The following NCAPG2 variants were observed in gnomAD, a reference collection of about 807,000 sequenced individuals.
The protein encoded by NCAPG2 is condensin-2 complex subunit G2.
NCAPG2 carries 53 observed loss-of-function variants against 141.1 expected under a neutral mutation model. The observed-to-expected ratio is 0.38, with a 90% confidence interval of 0.30 to 0.47. The LOEUF is 0.47. Ranked by LOEUF, NCAPG2 falls within the 20% of genes least tolerant of loss-of-function variation. The pLI is 0.99. For missense variants in NCAPG2, 1,087 were observed against 1,389.0 expected (o/e 0.78, Z 3.46); for synonymous variants, 499 against 490.7 (o/e 1.02, Z -0.22).
chr7:158,691,114 A>G (rs530677208), intron 4 of NCAPG2, among the ~76,000 whole-genome samples: 3 of 152,334 alleles, frequency 2.0e-5, no homozygotes, highest in East Asian at 3.9e-4. Context: ...ATCCACTACT[A>G]TCCCTCAATG....
intron 12 of NCAPG2, 72 bp downstream of exon 12, chr7:158,675,405 C>T: frequency 7.4e-7 from 1 of 1,347,404 alleles, no homozygotes; most frequent in East Asian, 2.6e-5. Context: ...TTATTTTAAT[C>T]TTTTTCTTTT....
Position 158,658,319 on chromosome 7 carries a change from C to CA in NCAPG2, c.2060+18dup, listed in dbSNP as rs1587137951. 4 of 1,596,542 alleles carry CA rather than the reference C, an allele frequency of 2.5e-6. No individual in the cohort carries two copies. Among genetic ancestry groups the CA allele is most frequent in the Non-Finnish European group, 2.6e-6 (3 of 1,170,870 alleles). On this transcript the variant is annotated intron_variant, in intron 17 of 27. Coordinates refer to ENST00000356309, the MANE Select transcript of NCAPG2 (RefSeq NM_017760.7). ...CAGGATTCCTACTTTTCTACCGTAC[C>CA]AAAAAACAGAGCAAATACCTGAATG...
intron 27 of NCAPG2, among the ~76,000 whole-genome samples, chr7:158,636,955 CT>C (rs913863331): frequency 1.0e-4 from 15 of 148,292 alleles, no homozygotes; most frequent in Non-Finnish European, 1.5e-4. Flanking sequence ...TCTTCTTCTT[CT>C]TTTTTTTTTG....
intron 3 of NCAPG2, 45 bp from the exon 4 acceptor site, chr7:158,693,001 T>C: frequency 2.3e-6 from 3 of 1,279,926 alleles, no homozygotes; most frequent in Non-Finnish European, 3.3e-6. Flanking sequence ...AATCATCAAC[T>C]TAAAATCAGT....
chr7:158,699,201 C>T (rs1323573982), intron 2 of NCAPG2, among the ~76,000 whole-genome samples: 1 of 152,166 alleles, frequency 6.6e-6, no homozygotes, highest in Non-Finnish European at 1.5e-5. Context: ...ACTCTCAGTG[C>T]AGTGTCTGGC....
At chr7:158,683,192 C>A in intron 9 of NCAPG2, 108 bp downstream of exon 9, 2 of 905,780 alleles carry the variant, frequency 2.2e-6, no homozygotes, top group Non-Finnish European at 3.3e-6. Flanking sequence ...TGAGAAATCC[C>A]CCTAACTGAT....
intron 22 of NCAPG2, 41 bp downstream of exon 22, chr7:158,654,554 G>A (rs780980203): frequency 4.4e-6 from 7 of 1,583,240 alleles, no homozygotes; most frequent in Admixed American, 3.4e-5. Flanking sequence ...GGGAAGGACT[G>A]GTTCTGAGTA....
In NCAPG2 at chr7:158,664,246, C is replaced by T; in HGVS notation, c.1753G>A (p.Ala585Thr). The change falls in exon 15 of 28, where the codon GCA becomes ACA. Residue 585 changes from alanine to threonine, a missense_variant. Ala to Thr is a moderately conservative substitution (Grantham distance 58, BLOSUM62 0). Transcript: ENST00000356309. ...RHCLNACIQR[A>T]VREPPEDEEE... is the part of the protein sequence containing the mutation. ...TCGTCCTCTGGAGGCTCTCTCACTGCCCTCTGGATACAGGCATTTAAGCAA... is the reference window on the plus strand; with the variant it reads ...TCGTCCTCTGGAGGCTCTCTCACTGTCCTCTGGATACAGGCATTTAAGCAA... 2 of 1,614,030 alleles carry T rather than the reference C, an allele frequency of 1.2e-6. No individual in the cohort carries two copies. The highest frequency in any genetic ancestry group is 1.1e-5 in the South Asian group (1 of 91,082).
intron 10 of NCAPG2, 66 bp from the exon 11 acceptor site, chr7:158,680,151 T>C: frequency 6.7e-7 from 1 of 1,502,944 alleles, no homozygotes; most frequent in South Asian, 1.2e-5. Context: ...TTAAGTACAG[T>C]GTTCCCAAAG....
Position 158,672,593 on chromosome 7 carries a change from G to A in NCAPG2, c.1327-927C>T, listed in dbSNP as rs779656615. 5.3e-5 allele frequency among the ~76,000 whole-genome samples: 8 copies of A among 151,656 alleles called. No individual in the cohort carries two copies. The South Asian group carries it at 6.3e-4, about 12-fold the overall frequency. On this transcript the variant is annotated intron_variant, in intron 12 of 27. Transcript: ENST00000356309. The stretch of plus-strand genomic sequence containing the variant: ...CCTGACCTCGTGATCTGCCCGCCTC[G>A]GCCTCCCAAAGTGCTGGGACTACAG...
At chr7:158,662,105 G>T in intron 16 of NCAPG2, 89 bp downstream of exon 16, 1 of 1,233,104 alleles carries the variant, frequency 8.1e-7, no homozygotes, top group East Asian at 2.7e-5. Context: ...CACAGATCCA[G>T]GGAGGTAAAC....
At chr7:158,664,072 A>C in intron 15 of NCAPG2, 112 bp downstream of exon 15, 1 of 837,702 alleles carries the variant, frequency 1.2e-6, no homozygotes, top group Non-Finnish European at 1.9e-6. Flanking sequence ...TAACTTGTTT[A>C]ATTAACAATA....
intron 19 of NCAPG2, 124 bp from the exon 20 acceptor site, chr7:158,655,579 G>GC (rs1480669348): frequency 2.0e-6 from 1 of 502,290 alleles, no homozygotes; most frequent in African/African-American, 3.6e-5. Flanking sequence ...CTCTGGTGAA[G>GC]CCCAGTGTCT....
At chr7:158,639,739 T>C in intron 27 of NCAPG2, 2 of 555,136 alleles carry the variant, frequency 3.6e-6, no homozygotes, top group Non-Finnish European at 4.6e-6. Flanking sequence ...TACCAACTAA[T>C]GCTGAGAGCA....
chr7:158,638,243 AT>A (rs1279443313), intron 27 of NCAPG2, among the ~76,000 whole-genome samples: 1 of 152,130 alleles, frequency 6.6e-6, no homozygotes, highest in Non-Finnish European at 1.5e-5. Flanking sequence ...ACAGAAAAAC[AT>A]TGTTTTTTGT....
intron 27 of NCAPG2, among the ~76,000 whole-genome samples, chr7:158,638,804 G>A (rs567956824): frequency 1.4e-4 from 21 of 152,186 alleles, no homozygotes; most frequent in South Asian, 6.2e-4. Flanking sequence ...CACAATTAAC[G>A]AACGTGAACT....
At position 158,675,543 on chromosome 7, in the gene NCAPG2, C is replaced by T. The variant is rs1833997607; in HGVS notation, c.1260G>A (p.Leu420=). The T allele has an allele frequency of 6.2e-7, 1 of 1,613,668 alleles. No individual in the cohort carries two copies. The highest frequency in any genetic ancestry group is 8.5e-7 in the Non-Finnish European group (1 of 1,179,924). Residue 420 remains leucine, a synonymous_variant, in exon 12 of 28, where the codon CTG becomes CTA. Coordinates refer to ENST00000356309, the MANE Select transcript of NCAPG2 (RefSeq NM_017760.7). ...MMPPTILIDL[L]KKVTGELAFD... is the part of the protein sequence containing the mutation. Reference sequence around the variant, plus strand: ...ATGCCAGTTCCCCAGTCACCTTCTTCAGGAGGTCAATAAGAATGGTCGGGG... The same window carrying T: ...ATGCCAGTTCCCCAGTCACCTTCTTTAGGAGGTCAATAAGAATGGTCGGGG...
chr7:158,651,866 A>G (rs1050653909), intron 23 of NCAPG2, among the ~76,000 whole-genome samples: 1 of 152,216 alleles, frequency 6.6e-6, no homozygotes, highest in Non-Finnish European at 1.5e-5. Flanking sequence ...CTGCCACTCT[A>G]CAAGTATCAA....
At chr7:158,636,748 A>G (rs1422207720) in intron 27 of NCAPG2, among the ~76,000 whole-genome samples, 1 of 152,132 alleles carries the variant, frequency 6.6e-6, no homozygotes, top group Non-Finnish European at 1.5e-5. Context: ...TGAGGTTGTT[A>G]CTACATCCTG....
Sources: gnomAD v4.1 joint callset for allele counts (sites outside exome capture counted in the v4.1 genomes callset) on GRCh38, gnomAD v4.1.1 for gene constraint, MANE v1.5 for transcripts, NCBI Gene and HGNC (gene_info 2026-07-23, HGNC 2026-07-21) for gene names.